The following MSI2 variants were observed in gnomAD, a reference collection of about 807,000 sequenced individuals.
The protein encoded by MSI2 is musashi RNA binding protein 2.
A neutral mutation model predicts 45.6 loss-of-function variants in MSI2; 17 were observed. The observed-to-expected ratio is 0.37, with a 90% CI of 0.26 to 0.56. The LOEUF (loss-of-function observed/expected upper bound fraction) is 0.56. MSI2 is among the 20% of genes least tolerant of loss of function. The probability of loss-of-function intolerance (pLI) is 0.77; values close to 1 mark genes in which losing one functional copy is unlikely to be tolerated. For synonymous variants in MSI2, 156 were observed against 158.2 expected (o/e 0.99, Z 0.11); for missense variants, 293 against 444.2 (o/e 0.66, Z 3.06).
At chr17:57,582,341 C>T (rs1467404889) in intron 7 of MSI2, among the ~76,000 whole-genome samples, 6 of 151,870 alleles carry the variant, frequency 4.0e-5, no homozygotes, top group African/African-American at 7.3e-5. Flanking sequence ...ATGCATGTAC[C>T]GCTATGTTAA....
intron 6 of MSI2, among the ~76,000 whole-genome samples, chr17:57,438,427 C>T (rs2084732066): frequency 6.6e-6 from 1 of 152,162 alleles, no homozygotes; most frequent in Non-Finnish European, 1.5e-5. Flanking sequence ...CCTCCATCCC[C>T]TCCTTCCTGA....
downstream of MSI2, among the ~76,000 whole-genome samples, chr17:57,685,865 G>A (rs1009055068): frequency 6.6e-6 from 1 of 152,226 alleles, no homozygotes; most frequent in Non-Finnish European, 1.5e-5. Flanking sequence ...AGACACATGA[G>A]GCCGGCCATC....
At chr17:57,636,317 A>C (rs1909832588) in intron 10 of MSI2, among the ~76,000 whole-genome samples, 1 of 152,160 alleles carries the variant, frequency 6.6e-6, no homozygotes, top group Non-Finnish European at 1.5e-5. Context: ...CACCTGCCAG[A>C]TCTGTCTGGT....
At chr17:57,606,624 C>T (rs529370659) in intron 8 of MSI2, among the ~76,000 whole-genome samples, 1 of 152,124 alleles carries the variant, frequency 6.6e-6, no homozygotes, top group Non-Finnish European at 1.5e-5. Flanking sequence ...AGCCACATCT[C>T]AGCCACATTC....
At chr17:57,533,644 A>G (rs1057386669) in intron 7 of MSI2, among the ~76,000 whole-genome samples, 2 of 152,154 alleles carry the variant, frequency 1.3e-5, no homozygotes, top group Non-Finnish European at 2.9e-5. Context: ...CAACTCTAGG[A>G]AGGGATTAGC....
At chr17:57,422,897 T>C (rs945110095) in intron 6 of MSI2, among the ~76,000 whole-genome samples, 12 of 152,206 alleles carry the variant, frequency 7.9e-5, no homozygotes, top group Non-Finnish European at 1.3e-4. Flanking sequence ...GGATGCATCA[T>C]TGGTGGCAGG....
At chr17:57,555,802 G>A (rs1461288631) in intron 7 of MSI2, among the ~76,000 whole-genome samples, 1 of 152,232 alleles carries the variant, frequency 6.6e-6, no homozygotes, top group East Asian at 1.9e-4. Flanking sequence ...AACAGATGCT[G>A]CAGCCCCTCG....
At chr17:57,542,351 C>T (rs1381550707) in intron 7 of MSI2, among the ~76,000 whole-genome samples, 3 of 152,228 alleles carry the variant, frequency 2.0e-5, no homozygotes, top group African/African-American at 4.8e-5. Flanking sequence ...AACCCAAGAG[C>T]TGCTTCACTC....
chr17:57,425,902 G>T (rs572503310), intron 6 of MSI2, among the ~76,000 whole-genome samples: 2 of 152,154 alleles, frequency 1.3e-5, no homozygotes, highest in Non-Finnish European at 2.9e-5. Context: ...TGAGCTTTTG[G>T]TCTTAGGATT....
intron 7 of MSI2, among the ~76,000 whole-genome samples, chr17:57,551,540 A>G (rs1471492143): frequency 6.6e-6 from 1 of 152,110 alleles, no homozygotes; most frequent in East Asian, 1.9e-4. Flanking sequence ...GATGTGTGCC[A>G]GTTGCTGCAT....
chr17:57,328,925 G>T (rs1309871105), intron 5 of MSI2, among the ~76,000 whole-genome samples: 1 of 152,000 alleles, frequency 6.6e-6, no homozygotes, highest in African/African-American at 2.4e-5. Flanking sequence ...AGGTTTTGGG[G>T]GCCCCGATAG....
At chr17:57,311,055 T>C (rs974453616) in intron 5 of MSI2, among the ~76,000 whole-genome samples, 2 of 152,260 alleles carry the variant, frequency 1.3e-5, no homozygotes, top group Non-Finnish European at 2.9e-5. Context: ...ATGTGTCAAA[T>C]TCCTGTAGTG....
At chr17:57,615,883 A>C in intron 8 of MSI2, 87 bp from the exon 9 acceptor site, 1 of 1,023,810 alleles carries the variant, frequency 9.8e-7, no homozygotes, top group South Asian at 1.4e-5. Context: ...GGCTAAAAAT[A>C]ACTTAGCTCA....
intron 5 of MSI2, among the ~76,000 whole-genome samples, chr17:57,328,904 C>G (rs185249636): frequency 1.6e-3 from 233 of 149,530 alleles, no homozygotes; most frequent in African/African-American, 5.7e-3. Context: ...CTTGCTGATT[C>G]CTCAGTCATT....
Position 57,627,214 on chromosome 17 carries a change from C to T in MSI2, c.653-15C>T, listed in dbSNP as rs767160110. On this transcript the variant is annotated splice_polypyrimidine_tract_variant and intron_variant, in intron 9 of 13. Coordinates refer to ENST00000284073, the MANE Select transcript of MSI2 (RefSeq NM_138962.4). This position sits in a 1 kb window ranked among gnomAD's most constrained non-coding sequence, Gnocchi z 4.6. The stretch of plus-strand genomic sequence containing the variant: ...CTGTACTAACAGGACTCTGATCTTT[C>T]TCTTTGTGTTCAAGGATATCCCAAC... 1.2e-6 allele frequency: 2 copies of T among 1,613,976 alleles called. No homozygotes were observed. The highest frequency in any genetic ancestry group is 1.1e-5 in the South Asian group (1 of 91,076).
intron 7 of MSI2, among the ~76,000 whole-genome samples, chr17:57,579,553 C>T (rs2088145553): frequency 2.0e-5 from 3 of 152,316 alleles, no homozygotes; most frequent in East Asian, 3.9e-4. Context: ...ACAGTCACCT[C>T]TCAGTTAATC....
At chr17:57,430,347 C>T (rs924210208) in intron 6 of MSI2, among the ~76,000 whole-genome samples, 51 of 152,174 alleles carry the variant, frequency 3.4e-4, no homozygotes, top group African/African-American at 1.2e-3. Flanking sequence ...AATCTCAGTC[C>T]GCCTTCTTTC....
chr17:57,322,224 TG>T (rs1339303069), intron 5 of MSI2, among the ~76,000 whole-genome samples: 1 of 152,152 alleles, frequency 6.6e-6, no homozygotes, highest in Non-Finnish European at 1.5e-5. Context: ...ACCCAGTATG[TG>T]GTAGCCATGA....
At chr17:57,447,523 G>A (rs1030907164) in intron 6 of MSI2, among the ~76,000 whole-genome samples, 3 of 152,096 alleles carry the variant, frequency 2.0e-5, no homozygotes, top group South Asian at 2.1e-4. Flanking sequence ...ACATGAGTAC[G>A]GCCCAGCTGA....
Sources: allele counts gnomAD v4.1 joint callset (sites outside exome capture counted in the v4.1 genomes callset), GRCh38; gene constraint gnomAD v4.1.1; non-coding constraint Gnocchi (gnomAD v3.1); transcripts MANE v1.5; gene names NCBI Gene and HGNC (gene_info 2026-07-23, HGNC 2026-07-21).